The following ZFYVE16 variants were observed in gnomAD, a reference collection of about 807,000 sequenced individuals.
The protein encoded by ZFYVE16 is zinc finger FYVE-type containing 16.
ZFYVE16 carries 89 observed loss-of-function variants against 138.1 expected under a neutral mutation model. The ratio of observed to expected loss-of-function variants is 0.64; its 90% CI spans 0.54 to 0.77. The LOEUF (loss-of-function observed/expected upper bound fraction) is 0.77, where lower values mean the gene tolerates loss of function less well. Ranked by LOEUF, ZFYVE16 falls within the 30% of genes least tolerant of loss-of-function variation. The probability of loss-of-function intolerance (pLI) is 0.00; values close to 1 mark genes in which losing one functional copy is unlikely to be tolerated. For missense variants in ZFYVE16, 1,793 were observed against 1,786.7 expected (o/e 1.00, Z -0.06); for synonymous variants, 596 against 618.3 (o/e 0.96, Z 0.53).
At chr5:80,469,065 A>G (rs1282584794) in intron 15 of ZFYVE16, among the ~76,000 whole-genome samples, 1 of 141,342 alleles carries the variant, frequency 7.1e-6, no homozygotes, top group Non-Finnish European at 1.6e-5. Flanking sequence ...ATATCCATAT[A>G]TTTTTCTTCT....
intron 1 of ZFYVE16, 140 bp from the exon 2 acceptor site, chr5:80,427,351 TG>T (rs1243230452): frequency 8.5e-5 from 13 of 152,146 alleles, no homozygotes; most frequent in Admixed American, 3.9e-4. Flanking sequence ...TTTGATCTTT[TG>T]TTTTTTTAAA....
chr5:80,466,820 A>G (rs925634149), intron 15 of ZFYVE16, among the ~76,000 whole-genome samples: 1 of 152,260 alleles, frequency 6.6e-6, no homozygotes, highest in African/African-American at 2.4e-5. Flanking sequence ...AACTCTGGAA[A>G]TTAGCCAAAA....
chr5:80,447,002 C>T (rs1207127244), intron 7 of ZFYVE16, among the ~76,000 whole-genome samples: 2 of 152,082 alleles, frequency 1.3e-5, no homozygotes, highest in African/African-American at 4.8e-5. Context: ...TGGCTCATGC[C>T]TGTAATCCCA....
chr5:80,438,912 A>G lies in ZFYVE16; in HGVS notation c.2227A>G (p.Thr743Ala), dbSNP rs748504909. ...EGLVLGQKQP[T>A]WVPDSEAPNC... Reference sequence around the variant, plus strand: ...CTTGGTTTTGGGCCAGAAACAGCCTACTTGGGTTCCTGATTCAGAAGCTCC... The same window carrying G: ...CTTGGTTTTGGGCCAGAAACAGCCTGCTTGGGTTCCTGATTCAGAAGCTCC... The change falls in exon 4 of 19, where the codon ACT (threonine) becomes GCT (alanine). Residue 743 changes from threonine to alanine, a missense_variant. By Grantham distance (58) the Thr-to-Ala change is moderately conservative. This residue lies in a region of ZFYVE16 where 1,295 missense variants were observed against 1,204.3 expected (regional missense o/e 1.08). Transcript: ENST00000505560. 2.5e-6 allele frequency: 4 copies of G among 1,614,118 alleles called. No homozygotes were observed. Among genetic ancestry groups the G allele is most frequent in the South Asian group, 1.1e-5 (1 of 91,082 alleles).
chr5:80,455,765 C>T lies in ZFYVE16; in HGVS notation c.3681C>T (p.Asn1227=), dbSNP rs760716227. 2 of 1,579,940 alleles carry T rather than the reference C, an allele frequency of 1.3e-6. No homozygotes were observed. Among genetic ancestry groups the T allele is most frequent in the Non-Finnish European group, 8.5e-7 (1 of 1,170,712 alleles). ...LFGEIGHTIM[N]LLVDLRNYQY... Reference sequence around the variant, plus strand: ...GAGAAATAGGACACACTATTATGAACTTACTTGTTGTGAGTAATTGAACTA... The same window carrying T: ...GAGAAATAGGACACACTATTATGAATTTACTTGTTGTGAGTAATTGAACTA... The change falls in exon 12 of 19, where the codon AAC becomes AAT. Residue 1227 remains asparagine (N), a synonymous_variant. Transcript: ENST00000505560.
chr5:80,473,898 A>G (rs1754634567), intron 17 of ZFYVE16, 39 bp downstream of exon 17: 2 of 1,513,450 alleles, frequency 1.3e-6, no homozygotes, highest in East Asian at 4.5e-5. Flanking sequence ...GCTGTGTTTC[A>G]ATATGATTTT....
rs553153256 is a variant in ZFYVE16, at chr5:80,422,710, C to T, written c.-93-4782C>T. ...CCTTGTGATCTGCCCGTCTCAGCCT[C>T]GCAAAGTACTGGGATTACAGGCATG... is the stretch of plus-strand genomic sequence containing the variant. On this transcript the variant is annotated intron_variant, in intron 1 of 18. Transcript: ENST00000505560. 2.1e-3 allele frequency among the ~76,000 whole-genome samples: 313 copies of T among 152,236 alleles called. 2 individuals are homozygous for T. Among genetic ancestry groups the T allele is most frequent in the Non-Finnish European group, 3.4e-3 (228 of 68,022 alleles).
In ZFYVE16 at chr5:80,440,813, C is replaced by G. The variant is rs529340466; in HGVS notation, c.2419+781C>G. Reference sequence around the variant, plus strand: ...AAATATTACTTGGGCCTTTTTTGACCAGACCTGTGCACTAGCTCAGGCACT... The same window carrying G: ...AAATATTACTTGGGCCTTTTTTGACGAGACCTGTGCACTAGCTCAGGCACT... On this transcript the variant is annotated intron_variant, in intron 5 of 18. Coordinates refer to ENST00000505560, the MANE Select transcript of ZFYVE16 (RefSeq NM_001284236.3). The G allele has an allele frequency of 1.1e-5, 11 of 984,954 alleles. No individual in the cohort carries two copies. In the South Asian group the frequency reaches 4.2e-4, roughly 38 times the overall value. The allele number at this position is 984,954 out of a possible 1,614,324, so 61.0% of individuals were successfully genotyped here. A position where few individuals can be genotyped will look rare whatever the true frequency, so the allele number is the denominator to read the frequency against.
intron 7 of ZFYVE16, among the ~76,000 whole-genome samples, chr5:80,446,809 A>G (rs1361000532): frequency 6.6e-6 from 1 of 152,222 alleles, no homozygotes; most frequent in African/African-American, 2.4e-5. Context: ...GATATATAAT[A>G]TAGAATCCAG....
intron 7 of ZFYVE16, 90 bp from the exon 8 acceptor site, chr5:80,447,934 TAA>T (rs1338092632): frequency 8.6e-7 from 1 of 1,159,184 alleles, no homozygotes; most frequent in Non-Finnish European, 1.2e-6. Context: ...TTATTCTTAT[TAA>T]AAAGATATGT....
intron 1 of ZFYVE16, among the ~76,000 whole-genome samples, chr5:80,408,357 T>G (rs1470426385): frequency 2.6e-5 from 4 of 152,174 alleles, no homozygotes; most frequent in African/African-American, 9.7e-5. Context: ...TGATGTCCCC[T>G]CCTGGAGCCT....
At chr5:80,440,577 G>A in intron 5 of ZFYVE16, 1 of 982,320 alleles carries the variant, frequency 1.0e-6, no homozygotes, top group Non-Finnish European at 1.2e-6. Context: ...TTTTGCATAT[G>A]TACACTTCCC....
At position 80,482,579 on chromosome 5, in the gene ZFYVE16, G is replaced by C. The variant is rs907077495; in HGVS notation, c.*5202G>C. 1 of 152,184 alleles carries C rather than the reference G, an allele frequency of 6.6e-6. No individual in the cohort carries two copies. The highest frequency in any genetic ancestry group is 1.5e-5 in the Non-Finnish European group (1 of 68,030). 9.4% of individuals were successfully genotyped at this position (152,184 alleles called of 1,614,324 possible). On this transcript the variant is annotated 3_prime_UTR_variant, in exon 19 of 19. Transcript: ENST00000505560. Reference sequence around the variant, plus strand: ...ATAGCATTCTATTTAAAGCCGGTCTGCTGGCACAGCAAATCCCAAAAAGGA... The same window carrying C: ...ATAGCATTCTATTTAAAGCCGGTCTCCTGGCACAGCAAATCCCAAAAAGGA...
At chr5:80,423,357 CAGT>C (rs1747520777) in intron 1 of ZFYVE16, among the ~76,000 whole-genome samples, 1 of 151,908 alleles carries the variant, frequency 6.6e-6, no homozygotes, top group African/African-American at 2.4e-5. Context: ...TCCGTGGCAT[CAGT>C]AGTGATGACT....
chr5:80,481,976 C>T lies in ZFYVE16; in HGVS notation c.*4599C>T, dbSNP rs910820331. The stretch of plus-strand genomic sequence containing the variant: ...CTGTGACTACAGGTGTGTACCACCA[C>T]GCCTAGATAATTTTTTGTATTTTTA... On this transcript the variant is annotated 3_prime_UTR_variant, in exon 19 of 19. Coordinates refer to ENST00000505560, the MANE Select transcript of ZFYVE16 (RefSeq NM_001284236.3). Among the ~76,000 whole-genome samples the T allele has an allele frequency of 3.4e-4, 52 of 152,254 alleles. No individual in the cohort carries two copies. The highest frequency in any genetic ancestry group is 2.1e-3 in the South Asian group (10 of 4,826).
At chr5:80,445,506 T>C in intron 7 of ZFYVE16, 101 bp downstream of exon 7, 1 of 1,049,534 alleles carries the variant, frequency 9.5e-7, no homozygotes, top group African/African-American at 1.6e-5. Flanking sequence ...TTTTAACACT[T>C]TGAGCTTCCT....
At chr5:80,445,821 G>C (rs1038135586) in intron 7 of ZFYVE16, among the ~76,000 whole-genome samples, 5 of 150,204 alleles carry the variant, frequency 3.3e-5, no homozygotes, top group African/African-American at 1.2e-4. Flanking sequence ...TCAAACTCCT[G>C]ATCTTTAGTA....
At chr5:80,456,088 A>G in intron 12 of ZFYVE16, 2 of 308,658 alleles carry the variant, frequency 6.5e-6, no homozygotes, top group Non-Finnish European at 1.2e-5. Flanking sequence ...ACTTTTGTAA[A>G]TGTATTAGTA....
intron 1 of ZFYVE16, among the ~76,000 whole-genome samples, chr5:80,413,136 A>G (rs571505829): frequency 6.6e-6 from 1 of 151,738 alleles, no homozygotes; most frequent in Non-Finnish European, 1.5e-5. Flanking sequence ...ATATCGTGCC[A>G]CTGCAGTCCA....
Sources: gnomAD v4.1 joint callset for allele counts (sites outside exome capture counted in the v4.1 genomes callset) on GRCh38, gnomAD v4.1.1 for gene constraint, gnomAD v4.1.1 regional missense constraint, MANE v1.5 for transcripts, NCBI Gene and HGNC (gene_info 2026-07-23, HGNC 2026-07-21) for gene names.